HNRNPUL2: variants seen among roughly 807,000 people sequenced by gnomAD.
HNRNPUL2 encodes heterogeneous nuclear ribonucleoprotein U like 2, also known as heterogeneous nuclear ribonucleoprotein U-like protein 2.
A neutral mutation model predicts 102.2 loss-of-function variants in HNRNPUL2; 27 were observed. The ratio of observed to expected loss-of-function variants is 0.26; its 90% CI spans 0.19 to 0.36. HNRNPUL2 has a LOEUF of 0.36. Ranked by LOEUF, HNRNPUL2 falls within the 10% of genes least tolerant of loss-of-function variation. The pLI is 1.00. For synonymous variants in HNRNPUL2, 458 were observed against 387.2 expected (o/e 1.18, Z -2.15); for missense variants, 936 against 981.1 (o/e 0.95, Z 0.61).
rs1046497136 is a variant in HNRNPUL2, at chr11:62,713,005, C to T, written c.*2294G>A. On this transcript the variant is annotated 3_prime_UTR_variant, in exon 14 of 14. Coordinates refer to ENST00000301785, the MANE Select transcript of HNRNPUL2 (RefSeq NM_001079559.3). ...CATAATAAAAAGACAGAAACAAAACCCGGACATCTACTGTTGTTGCAAATG... is the reference window on the plus strand; with the variant it reads ...CATAATAAAAAGACAGAAACAAAACTCGGACATCTACTGTTGTTGCAAATG... 2 of 152,164 alleles carry T rather than the reference C, an allele frequency of 1.3e-5. No homozygotes were observed. Among genetic ancestry groups the T allele is most frequent in the African/African-American group, 4.8e-5 (2 of 41,414 alleles). 9.4% of individuals were successfully genotyped at this position (152,164 alleles called of 1,614,324 possible).
rs768174300 is a variant in HNRNPUL2, at chr11:62,723,746, C to T, written c.752-20G>A. 48 of 1,613,792 alleles carry T rather than the reference C, an allele frequency of 3.0e-5. No homozygotes were observed. The South Asian group carries it at 4.7e-4, about 16-fold the overall frequency. ...AGGTATCTGTAAAGAAAGAAGCAAT[C>T]AGTTTACTCCAATGTCCAATACTTG... On this transcript the variant is annotated intron_variant, in intron 3 of 13. Transcript: ENST00000301785.
At position 62,715,942 on chromosome 11, in the gene HNRNPUL2, A is replaced by AAG; in HGVS notation, c.1982-7_1982-6dup. 1 of 1,597,412 alleles carries AAG rather than the reference A, an allele frequency of 6.3e-7. No individual in the cohort carries two copies. ...AGCCTCGGCGCTGCCCGCCCACTGG[A>AAG]AGAGAAATGGAGAGCGCGCTCAGAC... On this transcript the variant is annotated splice_region_variant and splice_polypyrimidine_tract_variant and intron_variant, in intron 11 of 13. Coordinates refer to ENST00000301785, the MANE Select transcript of HNRNPUL2 (RefSeq NM_001079559.3).
intron 10 of HNRNPUL2, among the ~76,000 whole-genome samples, chr11:62,718,471 C>T (rs1006356726): frequency 3.3e-5 from 5 of 151,950 alleles, no homozygotes; most frequent in Admixed American, 2.6e-4. Flanking sequence ...GAGGCCGAGG[C>T]GGGCAGATCA....
chr11:62,721,749 A>C, intron 8 of HNRNPUL2, 71 bp downstream of exon 8: 1 of 1,507,812 alleles, frequency 6.6e-7, no homozygotes, highest in Non-Finnish European at 9.1e-7. Context: ...ACTTGAGACT[A>C]ATTCTCCATT....
Position 62,720,202 on chromosome 11 carries a change from G to A in HNRNPUL2, c.1612-11C>T, listed in dbSNP as rs2083689947. On this transcript the variant is annotated splice_polypyrimidine_tract_variant and intron_variant, in intron 9 of 13. Transcript: ENST00000301785. The stretch of plus-strand genomic sequence containing the variant: ...ATTGTACACATTACACTAAGAACAG[G>A]AGGAATAACTGATGTTTAGGAAGAA... 3 of 1,611,610 alleles carry A rather than the reference G, an allele frequency of 1.9e-6. No individual in the cohort carries two copies. Among genetic ancestry groups the A allele is most frequent in the Admixed American group, 1.7e-5 (1 of 59,962 alleles).
At chr11:62,726,582 G>C (rs771593416) in intron 1 of HNRNPUL2, 37 bp downstream of exon 1, 1 of 1,487,942 alleles carries the variant, frequency 6.7e-7, no homozygotes, top group Non-Finnish European at 8.9e-7. Flanking sequence ...GGGCGCAGCC[G>C]GCAGGTTGGA....
intron 10 of HNRNPUL2, among the ~76,000 whole-genome samples, chr11:62,718,069 T>C (rs1448556268): frequency 1.3e-5 from 2 of 152,138 alleles, no homozygotes; most frequent in African/African-American, 4.8e-5. Flanking sequence ...CTGGCATAGT[T>C]CATTCTCAGT....
intron 9 of HNRNPUL2, among the ~76,000 whole-genome samples, chr11:62,720,935 C>T (rs7104017): frequency 6.7e-6 from 1 of 148,954 alleles, no homozygotes; most frequent in African/African-American, 2.5e-5. Context: ...GGTCAATACA[C>T]ATGATCTTCT....
rs200105936 is a variant in HNRNPUL2 at position 62,722,105 on chromosome 11, T to C, written c.1359+12A>G. 230 of 1,612,262 alleles carry C rather than the reference T, an allele frequency of 1.4e-4. 1 individual carries two copies. In the African/African-American group the frequency reaches 2.7e-3, roughly 19 times the overall value. On this transcript the variant is annotated intron_variant, in intron 7 of 13. Transcript: ENST00000301785. ...GCATACAACCTCAGTGTTCGTATAC[T>C]GTTTGGCATACCTCACATTCCTCTA...
rs1179334796 is a variant in HNRNPUL2, at chr11:62,715,588, T to C, written c.2075A>G (p.Asp692Gly). 4 of 1,613,078 alleles carry C rather than the reference T, an allele frequency of 2.5e-6. No homozygotes were observed. Among genetic ancestry groups the C allele is most frequent in the Non-Finnish European group, 3.4e-6 (4 of 1,179,214 alleles). Reference sequence around the variant, plus strand: ...TCGATCATAGTCTCCCCTGTATCGATCATAGAAATTACGGTAACCCTGAGA... The same window carrying C: ...TCGATCATAGTCTCCCCTGTATCGACCATAGAAATTACGGTAACCCTGAGA... Reference protein sequence around the residue: ...GNRGGYRNFYDRYRGDYDRFY... With the variant: ...GNRGGYRNFYGRYRGDYDRFY... The change falls in exon 13 of 14, where the codon GAT becomes GGT. Residue 692 changes from aspartate (D) to glycine (G), a missense_variant. Asp to Gly is a moderately conservative substitution (Grantham distance 94). Transcript: ENST00000301785.
Position 62,715,603 on chromosome 11 carries a change from T to C in HNRNPUL2, c.2060A>G (p.Tyr687Cys). 1.2e-6 allele frequency: 2 copies of C among 1,610,902 alleles called. No homozygotes were observed. The highest frequency in any genetic ancestry group is 1.7e-6 in the Non-Finnish European group (2 of 1,177,160). ...CCTGTATCGATCATAGAAATTACGG[T>C]AACCCTGAGAAAGGAAAAGAAAAAG... ...YWGQPGNRGG[Y>C]RNFYDRYRGD... Residue 687 changes from tyrosine to cysteine, a missense_variant, in exon 13 of 14, where the codon TAC becomes TGC. By Grantham distance (194) the Tyr-to-Cys change is radical. Around this residue, in one of 2 missense-constraint regions of HNRNPUL2, gnomAD observed 609 missense variants for 713.0 expected, o/e 0.85. Transcript: ENST00000301785.
chr11:62,720,104 C>G lies in HNRNPUL2; in HGVS notation c.1699G>C (p.Glu567Gln), dbSNP rs748654937. ...RKVVVVVPNE[E>Q]DWKKRLELRK... is the part of the protein sequence containing the mutation. Reference sequence around the variant, plus strand: ...AACTCCAGCCTCTTCTTCCAATCTTCCTCATTAGGGACAACCACCACCACT... The same window carrying G: ...AACTCCAGCCTCTTCTTCCAATCTTGCTCATTAGGGACAACCACCACCACT... The change falls in exon 10 of 14, where the codon GAA becomes CAA. Residue 567 changes from glutamate (E) to glutamine (Q), a missense_variant. Coordinates refer to ENST00000301785, the MANE Select transcript of HNRNPUL2 (RefSeq NM_001079559.3). 9 of 1,614,050 alleles carry G rather than the reference C, an allele frequency of 5.6e-6. No homozygotes were observed. In the South Asian group the frequency reaches 9.9e-5, roughly 18 times the overall value.
At position 62,727,230 on chromosome 11, in the gene HNRNPUL2, G is replaced by GCCGCCGCCGCCGCCGCCGC; in HGVS notation, c.-75_-74insGCGGCGGCGGCGGCGGCGG. On this transcript the variant is annotated 5_prime_UTR_variant, in exon 1 of 14. Transcript: ENST00000301785. ...GTCGACCGAGTCCGACCGCGCAGGCGCCGCCGCCGCCGCCCGCCTCCGCCT... is the reference window on the plus strand; with the variant it reads ...GTCGACCGAGTCCGACCGCGCAGGCGCCGCCGCCGCCGCCGCCGCCCGCCGCCGCCGCCCGCCTCCGCCT... 1 of 1,268,700 alleles carries GCCGCCGCCGCCGCCGCCGC rather than the reference G, an allele frequency of 7.9e-7. No individual in the cohort carries two copies. The highest frequency in any genetic ancestry group is 1.0e-6 in the Non-Finnish European group (1 of 1,005,000). 78.6% of individuals were successfully genotyped at this position (1,268,700 alleles called of 1,614,324 possible).
rs1204741649 is a variant in HNRNPUL2 at position 62,726,655 on chromosome 11, A to G, written c.502T>C (p.Ser168Pro). The G allele has an allele frequency of 1.9e-6, 3 of 1,597,998 alleles. No homozygotes were observed. The highest frequency in any genetic ancestry group is 1.1e-5 in the South Asian group (1 of 90,630). Residue 168 changes from serine (S) to proline (P), a missense_variant, in exon 1 of 14, where the codon TCC becomes CCC. Physicochemically the swap from Ser to Pro is moderately conservative, Grantham distance 74 (BLOSUM62 -1). Around this residue, in one of 2 missense-constraint regions of HNRNPUL2, gnomAD observed 327 missense variants for 268.1 expected, o/e 1.22. Coordinates refer to ENST00000301785, the MANE Select transcript of HNRNPUL2 (RefSeq NM_001079559.3). ...GCGGCCTTGTCACCCGGCACCTCGG[A>G]TCCCGGCGTCTCGTCCCCGCTCCGC... ...EERSGDETPG[S>P]EVPGDKAAEE...
chr11:62,720,915 C>G (rs903596318), intron 9 of HNRNPUL2, among the ~76,000 whole-genome samples: 1 of 147,108 alleles, frequency 6.8e-6, no homozygotes, highest in Non-Finnish European at 1.5e-5. Context: ...AACTTAGACA[C>G]GAGATAAAGG....
rs747739285 is a variant in HNRNPUL2 at position 62,723,623 on chromosome 11, G to A, written c.855C>T (p.Tyr285=). ...AGCAGACTTTTCCCTTTGTCACTCC[G>A]TAAGTACTCCTTGCCCCAGACCAAA... ...PTLWSGARST[Y]GVTKGKVCFE... The change falls in exon 4 of 14, where the codon TAC becomes TAT. Residue 285 remains tyrosine (Y), a synonymous_variant. Coordinates refer to ENST00000301785, the MANE Select transcript of HNRNPUL2 (RefSeq NM_001079559.3). 1.8e-5 allele frequency: 29 copies of A among 1,613,462 alleles called. 1 individual carries two copies. The highest frequency in any genetic ancestry group is 1.3e-4 in the South Asian group (12 of 91,012).
At position 62,720,066 on chromosome 11, in the gene HNRNPUL2, T is replaced by C; in HGVS notation, c.1737A>G (p.Val579=). ...TAGATTCAGGCACATCATCTCCCTC[T>C]ACTTCCTTCCTCAACTCCAGCCTCT... ...WKKRLELRKE[V]EGDDVPESIM... The change falls in exon 10 of 14, where the codon GTA becomes GTG. Residue 579 remains valine, a synonymous_variant. Transcript: ENST00000301785. 1.2e-6 allele frequency: 2 copies of C among 1,614,210 alleles called. No individual in the cohort carries two copies. The highest frequency in any genetic ancestry group is 1.7e-6 in the Non-Finnish European group (2 of 1,180,020).
At chr11:62,716,002 G>A in intron 11 of HNRNPUL2, 65 bp from the exon 12 acceptor site, 1 of 1,337,034 alleles carries the variant, frequency 7.5e-7, no homozygotes, top group Non-Finnish European at 1.0e-6. Flanking sequence ...CATCTGGGTG[G>A]AAATCAAAAA....
intron 1 of HNRNPUL2, among the ~76,000 whole-genome samples, chr11:62,726,116 G>C (rs1476347120): frequency 6.6e-6 from 1 of 152,196 alleles, no homozygotes; most frequent in East Asian, 1.9e-4. Context: ...GAGGAGCAAG[G>C]TTGGATTTTC....
Sources: allele counts gnomAD v4.1 joint callset (sites outside exome capture counted in the v4.1 genomes callset), GRCh38; gene constraint gnomAD v4.1.1; regional missense constraint gnomAD v4.1.1; transcripts MANE v1.5; gene names NCBI Gene and HGNC (gene_info 2026-07-23, HGNC 2026-07-21).